FAM185A: variants seen among roughly 807,000 people sequenced by gnomAD.
FAM185A encodes the protein protein FAM185A.
A neutral mutation model predicts 45.7 loss-of-function variants in FAM185A; 21 were observed. The observed-to-expected ratio is 0.46, with a 90% CI of 0.33 to 0.66. The LOEUF (loss-of-function observed/expected upper bound fraction) is 0.66. Among genes scored for constraint, FAM185A ranks in the 30% least tolerant of loss-of-function variants. FAM185A has a pLI of 0.03. For synonymous variants in FAM185A, 117 were observed against 194.0 expected (o/e 0.60, Z 3.30); for missense variants, 305 against 485.4 (o/e 0.63, Z 3.49).
At chr7:102,841,941 T>C in the FAM185A span, among the ~76,000 whole-genome samples, 1 of 152,292 alleles carries the variant, frequency 6.6e-6, no homozygotes, top group East Asian at 1.9e-4. Flanking sequence ...CTACCAGATA[T>C]CCCCACTACC....
intron 7 of FAM185A, among the ~76,000 whole-genome samples, chr7:102,798,360 A>G (rs1796569651): frequency 1.3e-5 from 2 of 152,338 alleles, no homozygotes; most frequent in Admixed American, 6.5e-5. Flanking sequence ...GTTTCAGTAA[A>G]TTACTTATTG....
rs1248931505 is a variant in FAM185A at position 102,751,692 on chromosome 7, G to T, written c.452G>T (p.Gly151Val). ...TGCTTTTTTCTTTTTTTACTTCTAG[G>T]TTTAGATATCAAGTCATCAGGGTCT... ...SVEVNAPLKF[G>V]LDIKSSGSGC... The change falls in exon 2 of 8, where the codon GGT (glycine) becomes GTT (valine). Residue 151 changes from glycine to valine, a missense_variant and splice_region_variant. Physicochemically the swap from Gly to Val is moderately radical, Grantham distance 109. This residue lies in a region of FAM185A where 174 missense variants were observed against 247.1 expected (regional missense o/e 0.70). Coordinates refer to ENST00000413034, the MANE Select transcript of FAM185A (RefSeq NM_001145268.2). 5.2e-5 allele frequency: 80 copies of T among 1,538,726 alleles called. No homozygotes were observed. Among genetic ancestry groups the T allele is most frequent in the Non-Finnish European group, 6.4e-5 (73 of 1,143,616 alleles).
intron 7 of FAM185A, among the ~76,000 whole-genome samples, chr7:102,802,148 A>G (rs918617453): frequency 1.3e-5 from 2 of 152,238 alleles, no homozygotes; most frequent in Non-Finnish European, 2.9e-5. Context: ...CTGAAAGTCA[A>G]TGAAGAAAAA....
At chr7:102,800,100 C>A (rs1796695107) in intron 7 of FAM185A, among the ~76,000 whole-genome samples, 1 of 152,170 alleles carries the variant, frequency 6.6e-6, no homozygotes, top group African/African-American at 2.4e-5. Context: ...AACTCCCGTA[C>A]CAGCCCAGAG....
the FAM185A span, among the ~76,000 whole-genome samples, chr7:102,834,140 AAAGAG>A: frequency 9.7e-6 from 1 of 102,992 alleles, no homozygotes; most frequent in South Asian, 3.4e-4. Flanking sequence ...GAAAGAAAGA[AAAGAG>A]AAGACAAGAG....
At chr7:102,841,519 AGCTGTTTTTCG>A in the FAM185A span, among the ~76,000 whole-genome samples, 1 of 152,212 alleles carries the variant, frequency 6.6e-6, no homozygotes, top group Non-Finnish European at 1.5e-5. Context: ...TCTCAGCTTC[AGCTGTTTTTCG>A]GCCAAGAAAA....
chr7:102,750,894 T>C (rs1024118280), intron 1 of FAM185A, among the ~76,000 whole-genome samples: 1 of 152,164 alleles, frequency 6.6e-6, no homozygotes, highest in African/African-American at 2.4e-5. Flanking sequence ...CACAATCTTG[T>C]GGGGTTTTTT....
chr7:102,810,483 C>T (rs1797367412), downstream of FAM185A, among the ~76,000 whole-genome samples: 2 of 152,154 alleles, frequency 1.3e-5, no homozygotes, highest in South Asian at 4.1e-4. Flanking sequence ...CTGCCTGCCT[C>T]AGCCTCCCAA....
the FAM185A span, among the ~76,000 whole-genome samples, chr7:102,829,413 C>T: frequency 3.3e-4 from 50 of 152,322 alleles, no homozygotes; most frequent in African/African-American, 1.2e-3. Flanking sequence ...GGCCTGCTTT[C>T]GCTTACCTTA....
chr7:102,813,605 T>G (rs1294897074), downstream of FAM185A: 2 of 1,489,006 alleles, frequency 1.3e-6, no homozygotes, highest in Admixed American at 1.9e-5. Context: ...CTCAACCAAA[T>G]TTGGAGTTAG....
At chr7:102,841,606 A>G in the FAM185A span, among the ~76,000 whole-genome samples, 1 of 152,242 alleles carries the variant, frequency 6.6e-6, no homozygotes, top group African/African-American at 2.4e-5. Flanking sequence ...CAAACTGTCA[A>G]ATCCCACATC....
chr7:102,756,118 C>G (rs1331530781), intron 2 of FAM185A, among the ~76,000 whole-genome samples: 1 of 150,086 alleles, frequency 6.7e-6, no homozygotes, highest in Non-Finnish European at 1.5e-5. Context: ...TGCTATAGTA[C>G]AGATTTTTTT....
At chr7:102,832,283 T>C in the FAM185A span, among the ~76,000 whole-genome samples, 1 of 152,246 alleles carries the variant, frequency 6.6e-6, no homozygotes, top group Non-Finnish European at 1.5e-5. Flanking sequence ...ACTGGAACAC[T>C]GTTTAACAGG....
chr7:102,806,749 A>G (rs189019130), intron 7 of FAM185A, among the ~76,000 whole-genome samples: 5 of 152,336 alleles, frequency 3.3e-5, no homozygotes, highest in Admixed American at 2.0e-4. Flanking sequence ...TCTGAGAAAC[A>G]AACGAGGGGA....
downstream of FAM185A, chr7:102,813,252 A>T: frequency 8.5e-7 from 1 of 1,179,682 alleles, no homozygotes; most frequent in African/African-American, 1.5e-5. Flanking sequence ...TTACATTGTT[A>T]TTGAGATTCA....
chr7:102,790,696 A>G (rs1584343932), intron 7 of FAM185A, among the ~76,000 whole-genome samples: 4 of 152,212 alleles, frequency 2.6e-5, no homozygotes, highest in South Asian at 2.1e-4. Context: ...CATTATTTCT[A>G]TGTACATAAC....
intron 3 of FAM185A, among the ~76,000 whole-genome samples, chr7:102,760,437 C>T (rs1227272369): frequency 6.7e-6 from 1 of 149,508 alleles, no homozygotes; most frequent in Non-Finnish European, 1.5e-5. Flanking sequence ...AGTGTATTCA[C>T]TAATTAATGT....
intron 7 of FAM185A, 55 bp downstream of exon 7, chr7:102,787,524 T>C (rs1795882401): frequency 4.5e-6 from 6 of 1,347,352 alleles, no homozygotes; most frequent in Non-Finnish European, 5.8e-6. Context: ...CATACATAAG[T>C]AGAAATGTGG....
At chr7:102,757,969 T>C in intron 3 of FAM185A, 23 bp downstream of exon 3, 1 of 1,543,742 alleles carries the variant, frequency 6.5e-7, no homozygotes, top group Non-Finnish European at 8.7e-7. Context: ...CTTTCTTTTT[T>C]TTTTTAGTAA....
Sources: gnomAD v4.1 joint callset for allele counts (sites outside exome capture counted in the v4.1 genomes callset) on GRCh38, gnomAD v4.1.1 for gene constraint, gnomAD v4.1.1 regional missense constraint, MANE v1.5 for transcripts, NCBI Gene and HGNC (gene_info 2026-07-23, HGNC 2026-07-21) for gene names.